NUDCD3: variants seen among roughly 807,000 people sequenced by gnomAD.
The protein encoded by NUDCD3 is NudC domain containing 3.
NUDCD3 carries 13 observed loss-of-function variants against 39.7 expected under a neutral mutation model. The observed-to-expected ratio is 0.33, with a 90% CI of 0.21 to 0.52. The LOEUF (loss-of-function observed/expected upper bound fraction) is 0.52, where lower values mean the gene tolerates loss of function less well. NUDCD3 is among the 20% of genes least tolerant of loss of function. The pLI, the probability that NUDCD3 is intolerant of heterozygous loss-of-function variation, is 0.96. For missense variants in NUDCD3, 453 were observed against 458.1 expected, an observed-to-expected ratio of 0.99 and a Z score of 0.10; for synonymous variants, 175 against 172.4, an observed-to-expected ratio of 1.02 and a Z score of -0.12.
At chr7:44,467,657 A>T (rs1469133609) in intron 2 of NUDCD3, among the ~76,000 whole-genome samples, 2 of 144,880 alleles carry the variant, frequency 1.4e-5, no homozygotes, top group Non-Finnish European at 3.1e-5. Flanking sequence ...CCAAGCCCCT[A>T]AAAAAAAAAA....
At chr7:44,404,621 G>A (rs995312032) in intron 3 of NUDCD3, 38 bp from the exon 4 acceptor site, 1 of 1,606,980 alleles carries the variant, frequency 6.2e-7, no homozygotes, top group East Asian at 2.2e-5. Flanking sequence ...TCTCCTATCA[G>A]GGTGACCACT....
chr7:44,476,418 C>A (rs1800370339), intron 2 of NUDCD3, among the ~76,000 whole-genome samples: 1 of 152,152 alleles, frequency 6.6e-6, no homozygotes, highest in Admixed American at 6.5e-5. Context: ...AAGGGCAGAT[C>A]CCTCGTGAAT....
In NUDCD3 at chr7:44,430,570, TCACACA is replaced by T. The variant is rs58853542; in HGVS notation, c.510-2873_510-2868del. On this transcript the variant is annotated intron_variant, in intron 2 of 5. Coordinates refer to ENST00000355451, the MANE Select transcript of NUDCD3 (RefSeq NM_015332.4). The stretch of plus-strand genomic sequence containing the variant: ...ATAAAATACCCACACACACACACAC[TCACACA>T]CACACACACACACACACACACACAC... Among the ~76,000 whole-genome samples the T allele has an allele frequency of 4.8e-3, 606 of 125,870 alleles. 5 individuals carry two copies. Among genetic ancestry groups the T allele is most frequent in the African/African-American group, 0.016 (537 of 33,172 alleles). 82.6% of individuals were successfully genotyped at this position (125,870 alleles called of 152,430 possible).
At chr7:44,421,614 A>C (rs1799143596) in intron 3 of NUDCD3, among the ~76,000 whole-genome samples, 2 of 152,282 alleles carry the variant, frequency 1.3e-5, no homozygotes, top group South Asian at 2.1e-4. Flanking sequence ...AAACTAGAAG[A>C]GCTAACTATC....
At chr7:44,471,301 T>C (rs1160158439) in intron 2 of NUDCD3, among the ~76,000 whole-genome samples, 2 of 152,282 alleles carry the variant, frequency 1.3e-5, no homozygotes, top group Non-Finnish European at 2.9e-5. Flanking sequence ...AAATGCTATG[T>C]AAATAGTTGT....
At chr7:44,402,046 G>C (rs1252165326) in intron 4 of NUDCD3, among the ~76,000 whole-genome samples, 1 of 152,174 alleles carries the variant, frequency 6.6e-6, no homozygotes, top group East Asian at 1.9e-4. Context: ...CAGCTGAAAC[G>C]GAGCAATGCT....
intron 2 of NUDCD3, among the ~76,000 whole-genome samples, chr7:44,451,389 T>TA (rs1413499095): frequency 5.9e-5 from 9 of 152,150 alleles, no homozygotes; most frequent in Non-Finnish European, 1.0e-4. Context: ...AACAGACTTT[T>TA]AAAAGTCCTC....
At chr7:44,444,085 T>C (rs1458943138) in intron 2 of NUDCD3, among the ~76,000 whole-genome samples, 1 of 152,228 alleles carries the variant, frequency 6.6e-6, no homozygotes, top group African/African-American at 2.4e-5. Flanking sequence ...GCTTTTTCTA[T>C]GAGCAAAACC....
intron 3 of NUDCD3, among the ~76,000 whole-genome samples, chr7:44,412,074 A>AC (rs927500852): frequency 6.6e-5 from 10 of 152,242 alleles, no homozygotes; most frequent in Non-Finnish European, 1.0e-4. Context: ...AGAGGTCATC[A>AC]CCCTTAGGTT....
intron 2 of NUDCD3, among the ~76,000 whole-genome samples, chr7:44,461,964 C>T (rs1278704326): frequency 6.6e-6 from 1 of 152,150 alleles, no homozygotes; most frequent in African/African-American, 2.4e-5. Context: ...AAGTGCCTGG[C>T]TCCGTGGTAA....
At chr7:44,464,416 C>A (rs963303385) in intron 2 of NUDCD3, among the ~76,000 whole-genome samples, 1 of 151,998 alleles carries the variant, frequency 6.6e-6, no homozygotes, top group African/African-American at 2.4e-5. Flanking sequence ...AAATCATACA[C>A]CCATGTCTCA....
At chr7:44,476,831 A>G (rs967384378) in intron 2 of NUDCD3, among the ~76,000 whole-genome samples, 1 of 152,194 alleles carries the variant, frequency 6.6e-6, no homozygotes, top group Non-Finnish European at 1.5e-5. Flanking sequence ...ATGAAGTGCA[A>G]ACTCCAAGGA....
At chr7:44,403,558 C>T (rs561144373) in intron 4 of NUDCD3, among the ~76,000 whole-genome samples, 24 of 152,158 alleles carry the variant, frequency 1.6e-4, no homozygotes, top group Non-Finnish European at 3.1e-4. Context: ...CATGTCCCTC[C>T]GAGCATGAGG....
intron 3 of NUDCD3, among the ~76,000 whole-genome samples, chr7:44,426,818 A>T (rs1034267723): frequency 5.7e-4 from 85 of 149,510 alleles, no homozygotes; most frequent in Non-Finnish European, 8.8e-4. Context: ...AAAAAAAAAT[A>T]GCAAGGGAAG....
chr7:44,428,097 A>G (rs1799273025), intron 2 of NUDCD3, among the ~76,000 whole-genome samples: 1 of 142,302 alleles, frequency 7.0e-6, no homozygotes, highest in African/African-American at 2.6e-5. Context: ...TTGGTTTCTT[A>G]TAAACTGCTT....
intron 2 of NUDCD3, among the ~76,000 whole-genome samples, chr7:44,464,646 G>T (rs1800084621): frequency 6.6e-6 from 1 of 152,096 alleles, no homozygotes; most frequent in Admixed American, 6.5e-5. Context: ...TAGAGACAGG[G>T]TTTCACCACA....
chr7:44,444,869 T>C (rs945365137), intron 2 of NUDCD3, among the ~76,000 whole-genome samples: 2 of 152,242 alleles, frequency 1.3e-5, no homozygotes, highest in Non-Finnish European at 2.9e-5. Flanking sequence ...TTCTTCCTTT[T>C]ATTCCCAGCG....
chr7:44,459,918 A>T (rs1178238736), intron 2 of NUDCD3, among the ~76,000 whole-genome samples: 1 of 152,230 alleles, frequency 6.6e-6, no homozygotes, highest in African/African-American at 2.4e-5. Context: ...TTTTAACATA[A>T]TATCAATTAA....
intron 5 of NUDCD3, among the ~76,000 whole-genome samples, 177 bp from the exon 6 acceptor site, chr7:44,386,298 A>T (rs1798401180): frequency 6.6e-6 from 1 of 152,154 alleles, no homozygotes; most frequent in South Asian, 2.1e-4. Context: ...CGACCAAGGG[A>T]GGTACTGGGT....
Sources: gnomAD v4.1 joint callset for allele counts (sites outside exome capture counted in the v4.1 genomes callset) on GRCh38, gnomAD v4.1.1 for gene constraint, MANE v1.5 for transcripts, NCBI Gene and HGNC (gene_info 2026-07-23, HGNC 2026-07-21) for gene names.